The following RNF128 variants were observed in gnomAD, a reference collection of about 807,000 sequenced individuals.
RNF128 encodes the protein E3 ubiquitin-protein ligase RNF128.
A neutral mutation model predicts 26.2 loss-of-function variants in RNF128; 13 were observed. The observed-to-expected ratio is 0.50, with a 90% CI of 0.32 to 0.79. RNF128 has a LOEUF of 0.79. Ranked by LOEUF, RNF128 falls within the 30% of genes least tolerant of loss-of-function variation. The pLI, the probability that RNF128 is intolerant of heterozygous loss-of-function variation, is 0.03. For missense variants in RNF128, 315 were observed against 349.7 expected (o/e 0.90, Z 0.79); for synonymous variants, 149 against 142.5 (o/e 1.05, Z -0.32).
At chrX:106,697,505 A>G (rs1181606524) in intron 1 of RNF128, among the ~76,000 whole-genome samples, 1 of 111,612 alleles carries the variant, frequency 9.0e-6, no homozygotes, top group African/African-American at 3.3e-5. Flanking sequence ...CTCACTGAAA[A>G]TCTACTTCAC....
chrX:106,756,268 C>T (rs1930007985), intron 1 of RNF128, among the ~76,000 whole-genome samples: 1 of 111,167 alleles, frequency 9.0e-6, no homozygotes, highest in East Asian at 2.8e-4. Context: ...AAAAAGAGCC[C>T]GCATCACCAA....
intron 1 of RNF128, among the ~76,000 whole-genome samples, chrX:106,695,370 A>T (rs769806448): frequency 2.7e-5 from 3 of 112,176 alleles, no homozygotes; most frequent in East Asian, 5.6e-4. Context: ...GAATTATGAA[A>T]AGGAGAAAAT....
chrX:106,749,392 C>A (rs763991892), intron 1 of RNF128, among the ~76,000 whole-genome samples: 23 of 111,831 alleles, frequency 2.1e-4, no homozygotes, highest in African/African-American at 7.1e-4. Context: ...TAGAAAAAAG[C>A]TAAAGGGAAA....
At chrX:106,764,002 G>A (rs761327244) in intron 1 of RNF128, among the ~76,000 whole-genome samples, 5 of 107,666 alleles carry the variant, frequency 4.6e-5, no homozygotes, top group South Asian at 8.1e-4. Context: ...TCGCTCTGTC[G>A]CCCAGGCTGG....
At chrX:106,779,735 CT>C (rs1930534513) in intron 2 of RNF128, among the ~76,000 whole-genome samples, 1 of 111,087 alleles carries the variant, frequency 9.0e-6, no homozygotes, top group African/African-American at 3.3e-5. Context: ...GTGGTCTGCA[CT>C]CTTGTTTATC....
At chrX:106,757,783 A>G (rs1930050096) in intron 1 of RNF128, among the ~76,000 whole-genome samples, 1 of 112,098 alleles carries the variant, frequency 8.9e-6, no homozygotes, top group Admixed American at 9.5e-5. Flanking sequence ...TATGCAAGGA[A>G]CATACCTCAT....
intron 1 of RNF128, among the ~76,000 whole-genome samples, chrX:106,717,401 T>C (rs1929236791): frequency 9.0e-6 from 1 of 111,716 alleles, no homozygotes; most frequent in East Asian, 2.8e-4. Context: ...TTTCTAGTAG[T>C]AGACAATTGA....
At chrX:106,718,967 A>G (rs948438780) in intron 1 of RNF128, among the ~76,000 whole-genome samples, 2 of 111,908 alleles carry the variant, frequency 1.8e-5, no homozygotes, top group African/African-American at 6.5e-5. Flanking sequence ...CCTAATGCAT[A>G]TAGTTGGCAG....
At chrX:106,708,596 AG>A (rs2147660317) in intron 1 of RNF128, among the ~76,000 whole-genome samples, 1 of 112,294 alleles carries the variant, frequency 8.9e-6, no homozygotes, top group Admixed American at 9.4e-5. Context: ...TTTCAGAGAA[AG>A]AAACTCTTTT....
chrX:106,758,225 A>G (rs1930060107), intron 1 of RNF128, among the ~76,000 whole-genome samples: 1 of 111,948 alleles, frequency 8.9e-6, no homozygotes, highest in Admixed American at 9.5e-5. Flanking sequence ...ACCTAACCAA[A>G]GAAGAGAGCT....
At chrX:106,733,240 T>C (rs1929531391) in intron 1 of RNF128, among the ~76,000 whole-genome samples, 1 of 111,218 alleles carries the variant, frequency 9.0e-6, no homozygotes, top group Non-Finnish European at 1.9e-5. Flanking sequence ...TGGGAGGTCC[T>C]GAAACCAATC....
Position 106,758,313 on chromosome X carries a change from G to T in RNF128, c.485-14600G>T, listed in dbSNP as rs746146828. Among the ~76,000 whole-genome samples the T allele has an allele frequency of 1.4e-3, 162 of 111,841 alleles. 1 individual carries two copies. Among genetic ancestry groups the T allele is most frequent in the Non-Finnish European group, 1.1e-3 (60 of 53,133 alleles). ...AGATGGAAAGATATTCCATGTTCAT[G>T]GATTGGAAGTTTCAATTTTATTAAA... On this transcript the variant is annotated intron_variant, in intron 1 of 6. Transcript: ENST00000255499.
At chrX:106,720,311 C>A (rs377215738) in intron 1 of RNF128, among the ~76,000 whole-genome samples, 242 of 111,567 alleles carry the variant, frequency 2.2e-3, no homozygotes, top group African/African-American at 7.7e-3. Flanking sequence ...CAAGTGCATA[C>A]AATTTAGCTC....
At chrX:106,724,908 G>T (rs1929368722), upstream of RNF128, among the ~76,000 whole-genome samples, 1 of 112,372 alleles carries the variant, frequency 8.9e-6, no homozygotes, top group Non-Finnish European at 1.9e-5. Flanking sequence ...GCACCACAAT[G>T]CTCAGCCCAT....
At chrX:106,752,718 A>G (rs1602378903) in intron 1 of RNF128, among the ~76,000 whole-genome samples, 1 of 111,873 alleles carries the variant, frequency 8.9e-6, no homozygotes, top group East Asian at 2.8e-4. Flanking sequence ...ATAAAGAAGG[A>G]ACCAGTGACC....
chrX:106,749,797 C>T (rs2147680338), intron 1 of RNF128, among the ~76,000 whole-genome samples: 1 of 109,142 alleles, frequency 9.2e-6, no homozygotes, highest in Non-Finnish European at 1.9e-5. Context: ...CCCAACTACT[C>T]AGGAAGCTGA....
chrX:106,782,128 C>G (rs1355068707), intron 2 of RNF128, among the ~76,000 whole-genome samples: 1 of 112,464 alleles, frequency 8.9e-6, no homozygotes, highest in Middle Eastern at 4.2e-3. Context: ...ACTGTATAGA[C>G]TGAATCAAGT....
At position 106,727,080 on chromosome X, in the gene RNF128, C is replaced by A; in HGVS notation, c.167C>A (p.Thr56Lys). The change falls in exon 1 of 7, where the codon ACG (threonine) becomes AAG (lysine). Residue 56 changes from threonine to lysine, a missense_variant. Physicochemically the swap from Thr to Lys is moderately conservative, Grantham distance 78. Transcript: ENST00000255499. Reference protein sequence around the residue: ...YLNVSWRVPHTGVNRTVWELS... With the variant: ...YLNVSWRVPHKGVNRTVWELS... ...AACGTGTCCTGGCGGGTTCCGCACACGGGAGTGAACCGTACGGTGTGGGAG... is the reference window on the plus strand; with the variant it reads ...AACGTGTCCTGGCGGGTTCCGCACAAGGGAGTGAACCGTACGGTGTGGGAG... 8.3e-7 allele frequency: 1 copy of A among 1,202,928 alleles called. No homozygotes were observed. The highest frequency in any genetic ancestry group is 1.1e-6 in the Non-Finnish European group (1 of 891,084).
At chrX:106,735,439 A>G (rs1929579493) in intron 1 of RNF128, among the ~76,000 whole-genome samples, 1 of 111,894 alleles carries the variant, frequency 8.9e-6, no homozygotes, top group Non-Finnish European at 1.9e-5. Context: ...AAAGCGTCTT[A>G]GCTTTTAAAA....
Sources: gnomAD v4.1 joint callset for allele counts (sites outside exome capture counted in the v4.1 genomes callset) on GRCh38, gnomAD v4.1.1 for gene constraint, MANE v1.5 for transcripts, NCBI Gene and HGNC (gene_info 2026-07-23, HGNC 2026-07-21) for gene names.